The following RAD50 variants were observed in gnomAD, a reference collection of about 807,000 sequenced individuals.
RAD50 encodes DNA repair protein RAD50.
A neutral mutation model predicts 168.8 loss-of-function variants in RAD50; 132 were observed. The observed-to-expected ratio is 0.78, with a 90% CI of 0.68 to 0.90. The LOEUF (loss-of-function observed/expected upper bound fraction) is 0.90, where lower values mean the gene tolerates loss of function less well. Among genes scored for constraint, RAD50 ranks in the 40% least tolerant of loss-of-function variants. The pLI is 0.00. For synonymous variants in RAD50, 525 were observed against 497.4 expected, an observed-to-expected ratio of 1.06 and a Z score of -0.74; for missense variants, 1,347 against 1,534.4, an observed-to-expected ratio of 0.88 and a Z score of 2.04.
At position 132,642,394 on chromosome 5, in the gene RAD50, T is replaced by C; in HGVS notation, c.*30T>C. On this transcript the variant is annotated 3_prime_UTR_variant, in exon 25 of 25. Transcript: ENST00000378823. ...ATCCAAGATTTAAATGCCATAGAAATGTAGGTCCTCAGAAAGTGTATAATA... is the reference window on the plus strand; with the variant it reads ...ATCCAAGATTTAAATGCCATAGAAACGTAGGTCCTCAGAAAGTGTATAATA... 2 of 1,579,050 alleles carry C rather than the reference T, an allele frequency of 1.3e-6. No homozygotes were observed. The highest frequency in any genetic ancestry group is 3.3e-5 in the Admixed American group (2 of 59,782).
At chr5:132,611,444 G>A (rs1226209873) in intron 19 of RAD50, among the ~76,000 whole-genome samples, 4 of 151,698 alleles carry the variant, frequency 2.6e-5, no homozygotes, top group African/African-American at 9.7e-5. Context: ...GGTGGCTCAC[G>A]CCTGTAATCC....
In RAD50 at chr5:132,604,987, C is replaced by T; in HGVS notation, c.2706C>T (p.Tyr902=). The T allele has an allele frequency of 6.2e-7, 1 of 1,608,068 alleles. No homozygotes were observed. The highest frequency in any genetic ancestry group is 2.2e-5 in the East Asian group (1 of 44,840). The change falls in exon 16 of 25, where the codon TAC becomes TAT. Residue 902 remains tyrosine, a synonymous_variant. Coordinates refer to ENST00000378823, the MANE Select transcript of RAD50 (RefSeq NM_005732.4). ...TATCCACTGAAGTTCAGTCTTTGTACAGAGAGATAAAGGTAAGAATATCCA... is the reference window on the plus strand; with the variant it reads ...TATCCACTGAAGTTCAGTCTTTGTATAGAGAGATAAAGGTAAGAATATCCA... ...VELSTEVQSL[Y]REIKDAKEQV...
In RAD50 at chr5:132,591,371, A is replaced by G; in HGVS notation, c.1600A>G (p.Thr534Ala). Residue 534 changes from threonine to alanine, a missense_variant, in exon 10 of 25, where the codon ACA becomes GCA. Around this residue, in one of 3 missense-constraint regions of RAD50, gnomAD observed 703 missense variants for 767.7 expected, o/e 0.92. Transcript: ENST00000378823. ...EMEQLNHHTT[T>A]RTQMEMLTKD... ...GGAGCAGTTAAACCATCATACAACA[A>G]CACGTACCCAAATGGAGATGCTGAC... The G allele has an allele frequency of 6.2e-7, 1 of 1,613,868 alleles. No individual in the cohort carries two copies. The highest frequency in any genetic ancestry group is 8.5e-7 in the Non-Finnish European group (1 of 1,179,892).
intron 13 of RAD50, among the ~76,000 whole-genome samples, chr5:132,599,695 T>G (rs1447347322): frequency 6.6e-6 from 1 of 151,960 alleles, no homozygotes; most frequent in Non-Finnish European, 1.5e-5. Flanking sequence ...AGTGCTAGGA[T>G]TACAGGCATA....
chr5:132,583,429 CTA>C (rs2149839189), intron 5 of RAD50, among the ~76,000 whole-genome samples: 1 of 152,076 alleles, frequency 6.6e-6, no homozygotes, highest in Non-Finnish European at 1.5e-5. Context: ...AGTATAAATT[CTA>C]TGAGTTAGGA....
chr5:132,591,061 C>T (rs1357766056), intron 9 of RAD50, among the ~76,000 whole-genome samples, 163 bp from the exon 10 acceptor site: 1 of 152,070 alleles, frequency 6.6e-6, no homozygotes, highest in Non-Finnish European at 1.5e-5. Flanking sequence ...ATAAGATATA[C>T]CTTAGAGCAT....
At position 132,638,124 on chromosome 5, in the gene RAD50, A is replaced by T; in HGVS notation, c.3519A>T (p.Val1173=). The part of the protein sequence containing the change: ...IEIRSDADEN[V]SASDKRRNYN... ...TACGGTCTGATGCCGATGAAAATGT[A>T]TCAGCTTCTGATAAAAGGCGGAATT... Residue 1173 remains valine, a synonymous_variant, in exon 23 of 25, where the codon GTA becomes GTT. Coordinates refer to ENST00000378823, the MANE Select transcript of RAD50 (RefSeq NM_005732.4). 1 of 1,614,170 alleles carries T rather than the reference A, an allele frequency of 6.2e-7. No individual in the cohort carries two copies. The highest frequency in any genetic ancestry group is 8.5e-7 in the Non-Finnish European group (1 of 1,179,984).
intron 5 of RAD50, among the ~76,000 whole-genome samples, chr5:132,584,418 C>T (rs1750558266): frequency 6.6e-6 from 1 of 152,076 alleles, no homozygotes; most frequent in African/African-American, 2.4e-5. Flanking sequence ...AGCCCTTTGT[C>T]AGATGAGTTG....
intron 2 of RAD50, among the ~76,000 whole-genome samples, chr5:132,561,801 C>T (rs919028310): frequency 9.9e-5 from 15 of 152,130 alleles, no homozygotes; most frequent in African/African-American, 3.4e-4. Flanking sequence ...CCCACCCCCG[C>T]CAGTTTTGTA....
intron 21 of RAD50, among the ~76,000 whole-genome samples, chr5:132,628,588 G>A (rs1751408182): frequency 6.6e-6 from 1 of 152,078 alleles, no homozygotes; most frequent in Non-Finnish European, 1.5e-5. Flanking sequence ...GCTCACACCT[G>A]TAATCCCAGC....
intron 5 of RAD50, among the ~76,000 whole-genome samples, chr5:132,587,049 C>T (rs541980824): frequency 2.0e-4 from 30 of 152,242 alleles, no homozygotes; most frequent in Admixed American, 1.0e-3. Context: ...TCTCTGGAAG[C>T]GAGCCTCAGA....
intron 13 of RAD50, among the ~76,000 whole-genome samples, chr5:132,598,387 C>T (rs1028909911): frequency 6.6e-6 from 1 of 152,160 alleles, no homozygotes; most frequent in South Asian, 2.1e-4. Context: ...ATGTCTTACT[C>T]GTTGTATCTC....
intron 3 of RAD50, among the ~76,000 whole-genome samples, chr5:132,578,269 C>T (rs970158234): frequency 3.9e-5 from 6 of 152,184 alleles, no homozygotes; most frequent in African/African-American, 9.7e-5. Context: ...TACCACTATC[C>T]GTCCAGTGAC....
intron 1 of RAD50, among the ~76,000 whole-genome samples, 175 bp from the exon 2 acceptor site, chr5:132,559,109 T>A (rs912602917): frequency 6.6e-6 from 1 of 152,222 alleles, no homozygotes; most frequent in African/African-American, 2.4e-5. Flanking sequence ...TATATAGCAT[T>A]TCTGTGAACT....
At chr5:132,593,533 G>A (rs1750740017) in intron 11 of RAD50, 2 of 152,164 alleles carry the variant, frequency 1.3e-5, no homozygotes, top group East Asian at 1.9e-4. Context: ...TTTCATTTCT[G>A]TGAGTAATCC....
At chr5:132,617,788 G>A (rs955892114) in intron 20 of RAD50, among the ~76,000 whole-genome samples, 3 of 152,112 alleles carry the variant, frequency 2.0e-5, no homozygotes, top group African/African-American at 4.8e-5. Flanking sequence ...TTTACTTAGC[G>A]TCTAAAGGCC....
At chr5:132,596,764 GC>G (rs1263515394) in intron 13 of RAD50, among the ~76,000 whole-genome samples, 1 of 152,222 alleles carries the variant, frequency 6.6e-6, no homozygotes, top group East Asian at 1.9e-4. Flanking sequence ...TTAATAAAGT[GC>G]TTAAAAAATG....
At chr5:132,638,029 C>A in intron 22 of RAD50, 52 bp from the exon 23 acceptor site, 13 of 1,585,812 alleles carry the variant, frequency 8.2e-6, no homozygotes. Context: ...TTGTAAATGA[C>A]AAAAGGCTAC....
Position 132,609,270 on chromosome 5 carries a change from TTC to T in RAD50, c.2923-11_2923-10del, listed in dbSNP as rs1554099379. 6.2e-7 allele frequency: 1 copy of T among 1,607,642 alleles called. No individual in the cohort carries two copies. The highest frequency in any genetic ancestry group is 2.2e-5 in the East Asian group (1 of 44,758). On this transcript the variant is annotated splice_polypyrimidine_tract_variant and intron_variant, in intron 18 of 24. Transcript: ENST00000378823. ...TTTTTATTCATGTGCTTAAAGAATT[TTC>T]TTTTTTGTAGCAAAAAGAAACTGAA...
Sources: allele counts gnomAD v4.1 joint callset (sites outside exome capture counted in the v4.1 genomes callset), GRCh38; gene constraint gnomAD v4.1.1; regional missense constraint gnomAD v4.1.1; transcripts MANE v1.5; gene names NCBI Gene and HGNC (gene_info 2026-07-23, HGNC 2026-07-21).